The following HDX variants were observed in gnomAD, a reference collection of about 807,000 sequenced individuals.
The protein encoded by HDX is highly divergent homeobox.
In HDX, 19 loss-of-function variants were observed where a neutral mutation model predicts 45.2. That is an observed-to-expected ratio of 0.42 (90% CI 0.29 to 0.62). The LOEUF (loss-of-function observed/expected upper bound fraction) is 0.62, where lower values mean the gene tolerates loss of function less well. Ranked by LOEUF, HDX falls within the 20% of genes least tolerant of loss-of-function variation. The probability of loss-of-function intolerance (pLI) is 0.20; values close to 1 mark genes in which losing one functional copy is unlikely to be tolerated. For missense variants in HDX, 532 were observed against 493.9 expected (o/e 1.08, Z -0.73); for synonymous variants, 188 against 172.8 (o/e 1.09, Z -0.69).
chrX:84,370,242 A>G (rs2037860002), intron 5 of HDX, among the ~76,000 whole-genome samples: 1 of 111,611 alleles, frequency 9.0e-6, no homozygotes, highest in Non-Finnish European at 1.9e-5. Context: ...TTGGGACTGG[A>G]ATTTACTGGA....
At chrX:84,458,228 A>C (rs1022821203) in intron 4 of HDX, among the ~76,000 whole-genome samples, 29 of 110,698 alleles carry the variant, frequency 2.6e-4, no homozygotes, top group Non-Finnish European at 1.7e-4. Context: ...CTTAAAGGCT[A>C]GATTAAAATT....
At chrX:84,490,170 T>A (rs758918176) in intron 1 of HDX, among the ~76,000 whole-genome samples, 2 of 111,523 alleles carry the variant, frequency 1.8e-5, no homozygotes, top group East Asian at 5.7e-4. Flanking sequence ...GTGTCCTCTC[T>A]CCTTTTTTTT....
intron 5 of HDX, among the ~76,000 whole-genome samples, chrX:84,367,849 T>C (rs2037797715): frequency 9.0e-6 from 1 of 110,965 alleles, no homozygotes; most frequent in African/African-American, 3.3e-5. Flanking sequence ...CTGAGGCCTG[T>C]TGGGGTGTGG....
chrX:84,405,664 A>ATATG lies in HDX; in HGVS notation c.1305+34867_1305+34868insCATA, dbSNP rs761538089. On this transcript the variant is annotated intron_variant, in intron 5 of 10. Coordinates refer to ENST00000373177, the MANE Select transcript of HDX (RefSeq NM_001177479.2). ...TCACAAGCTATATATATATATATAT[A>ATATG]TGTGTGTGTGTGTGTGTGTGTGTAA... is the stretch of plus-strand genomic sequence containing the variant. Among the ~76,000 whole-genome samples the ATATG allele has an allele frequency of 2.9e-3, 252 of 87,271 alleles. 1 individual carries two copies. Among genetic ancestry groups the ATATG allele is most frequent in the African/African-American group, 6.4e-3 (154 of 24,168 alleles). The allele number at this position is 87,271 out of a possible 115,157, so 75.8% of individuals were successfully genotyped here. A position where few individuals can be genotyped will look rare whatever the true frequency, so the allele number is the denominator to read the frequency against.
At chrX:84,391,295 G>A (rs1238229877) in intron 5 of HDX, among the ~76,000 whole-genome samples, 1 of 111,525 alleles carries the variant, frequency 9.0e-6, no homozygotes, top group African/African-American at 3.3e-5. Context: ...TCTTTTTTAT[G>A]ATTGAATAAC....
intron 4 of HDX, among the ~76,000 whole-genome samples, chrX:84,467,974 A>C (rs1182665548): frequency 3.6e-5 from 4 of 112,072 alleles, no homozygotes; most frequent in Non-Finnish European, 7.5e-5. Context: ...TAAAGCATTT[A>C]CATTTCTAAA....
At chrX:84,416,204 C>A (rs1383565127) in intron 5 of HDX, among the ~76,000 whole-genome samples, 1 of 111,352 alleles carries the variant, frequency 9.0e-6, no homozygotes, top group African/African-American at 3.3e-5. Flanking sequence ...ATCACCCAAC[C>A]AAGGCCCAAG....
intron 2 of HDX, among the ~76,000 whole-genome samples, chrX:84,477,130 G>A (rs1403459698): frequency 1.8e-5 from 2 of 111,615 alleles, no homozygotes; most frequent in African/African-American, 3.3e-5. Context: ...TTCAGCTGCA[G>A]TCAGGAGAAG....
chrX:84,336,423 A>G (rs1403149797), intron 8 of HDX, among the ~76,000 whole-genome samples: 1 of 111,376 alleles, frequency 9.0e-6, no homozygotes, highest in Non-Finnish European at 1.9e-5. Flanking sequence ...CATGTGCCAC[A>G]ACTAACAAAG....
At chrX:84,347,017 G>A (rs1225430638) in intron 6 of HDX, among the ~76,000 whole-genome samples, 1 of 111,147 alleles carries the variant, frequency 9.0e-6, no homozygotes, top group Non-Finnish European at 1.9e-5. Context: ...TCTTTTATCA[G>A]AGTTTTGTAG....
intron 7 of HDX, among the ~76,000 whole-genome samples, chrX:84,342,329 T>C (rs1007447281): frequency 8.9e-6 from 1 of 111,784 alleles, no homozygotes; most frequent in Non-Finnish European, 1.9e-5. Flanking sequence ...CTTAAACAGT[T>C]CAAATTGTAT....
chrX:84,416,974 G>T (rs1359189620), intron 5 of HDX, among the ~76,000 whole-genome samples: 2 of 108,390 alleles, frequency 1.8e-5, no homozygotes, highest in Non-Finnish European at 1.9e-5. Context: ...GGCTAACATG[G>T]TGAAACCCCA....
At chrX:84,411,756 A>G (rs1316290676) in intron 5 of HDX, among the ~76,000 whole-genome samples, 1 of 111,455 alleles carries the variant, frequency 9.0e-6, no homozygotes, top group Non-Finnish European at 1.9e-5. Flanking sequence ...TAATACTGTC[A>G]GTGGTGTGTT....
intron 1 of HDX, among the ~76,000 whole-genome samples, chrX:84,498,926 C>T (rs1203874477): frequency 9.1e-6 from 1 of 110,031 alleles, no homozygotes; most frequent in East Asian, 2.9e-4. Flanking sequence ...TTATATTGAC[C>T]TTAGTCAAGC....
At chrX:84,391,980 G>T (rs1334847794) in intron 5 of HDX, among the ~76,000 whole-genome samples, 2 of 111,410 alleles carry the variant, frequency 1.8e-5, no homozygotes, top group Non-Finnish European at 3.8e-5. Context: ...TGTTGTCTGT[G>T]CCTTTGAGTT....
chrX:84,362,939 C>T (rs66681599), intron 5 of HDX, among the ~76,000 whole-genome samples: 12,785 of 110,352 alleles, frequency 0.12, 1,191 homozygotes, highest in African/African-American at 0.31. Context: ...ATTCAGCCAC[C>T]GAAAGGAAAA....
chrX:84,453,368 C>T (rs750715728), intron 4 of HDX, among the ~76,000 whole-genome samples: 9 of 112,009 alleles, frequency 8.0e-5, no homozygotes, highest in Non-Finnish European at 1.3e-4. Flanking sequence ...CTCCCCCAAC[C>T]CCAGCAGGAT....
At chrX:84,369,235 C>T (rs772584629) in intron 5 of HDX, among the ~76,000 whole-genome samples, 50 of 112,179 alleles carry the variant, frequency 4.5e-4, no homozygotes, top group Non-Finnish European at 7.1e-4. Flanking sequence ...TATGTCACAG[C>T]ATGTGTCAGA....
chrX:84,431,666 G>GC (rs1395790551), intron 5 of HDX, among the ~76,000 whole-genome samples: 22 of 111,251 alleles, frequency 2.0e-4, no homozygotes, highest in East Asian at 2.8e-4. Context: ...CATGTTCTTT[G>GC]CCCACTTTTT....
Sources: gnomAD v4.1 joint callset for allele counts (sites outside exome capture counted in the v4.1 genomes callset) on GRCh38, gnomAD v4.1.1 for gene constraint, MANE v1.5 for transcripts, NCBI Gene and HGNC (gene_info 2026-07-23, HGNC 2026-07-21) for gene names.